The following DSCAM variants were observed in gnomAD, a reference collection of about 807,000 sequenced individuals.
DSCAM encodes cell adhesion molecule DSCAM.
A neutral mutation model predicts 217.7 loss-of-function variants in DSCAM; 47 were observed. The ratio of observed to expected loss-of-function variants is 0.22; its 90% confidence interval spans 0.17 to 0.28. The LOEUF (loss-of-function observed/expected upper bound fraction) is 0.28. Ranked by LOEUF, DSCAM falls within the 10% of genes least tolerant of loss-of-function variation. DSCAM has a pLI of 1.00. For missense variants in DSCAM, 2,080 were observed against 2,618.3 expected (o/e 0.79, Z 4.49); for synonymous variants, 1,056 against 1,015.3 (o/e 1.04, Z -0.76).
At chr21:40,263,931 G>A (rs921681657) in intron 11 of DSCAM, among the ~76,000 whole-genome samples, 1 of 151,886 alleles carries the variant, frequency 6.6e-6, no homozygotes, top group East Asian at 1.9e-4. Flanking sequence ...CACCACTCTG[G>A]ACACAAACTA....
intron 1 of DSCAM, among the ~76,000 whole-genome samples, chr21:40,741,174 G>C (rs1692884674): frequency 6.6e-6 from 1 of 152,184 alleles, no homozygotes; most frequent in Admixed American, 6.5e-5. Flanking sequence ...ATGAGACTCT[G>C]ACATGCTGAA....
intron 3 of DSCAM, among the ~76,000 whole-genome samples, chr21:40,399,726 C>T (rs1482737448): frequency 6.6e-6 from 1 of 152,164 alleles, no homozygotes; most frequent in Non-Finnish European, 1.5e-5. Context: ...TTCATTCATT[C>T]ATTTTTATTT....
At chr21:40,618,795 C>G (rs1037778064) in intron 3 of DSCAM, 1 of 152,150 alleles carries the variant, frequency 6.6e-6, no homozygotes, top group East Asian at 1.9e-4. Flanking sequence ...TGCATCGCCG[C>G]CCCCCAGTCC....
At chr21:40,350,182 C>T (rs190845377) in intron 5 of DSCAM, among the ~76,000 whole-genome samples, 263 of 152,136 alleles carry the variant, frequency 1.7e-3, no homozygotes, top group Non-Finnish European at 3.0e-3. Flanking sequence ...ACCATAGAAA[C>T]GCTAGAAGAA....
Position 40,521,974 on chromosome 21 carries a change from T to A in DSCAM, c.509-152729A>T, listed in dbSNP as rs1047419004. On this transcript the variant is annotated intron_variant, in intron 3 of 32. Coordinates refer to ENST00000400454, the MANE Select transcript of DSCAM (RefSeq NM_001389.5). ...CATTACGTTGTGCCCCATAAATAGG[T>A]ACAATAATTGTGTGTCAATTAAACT... 1.1e-4 allele frequency among the ~76,000 whole-genome samples: 17 copies of A among 152,322 alleles called. 1 individual carries two copies. Among genetic ancestry groups the A allele is most frequent in the Admixed American group, 3.3e-4 (5 of 15,302 alleles).
At chr21:40,798,467 C>G (rs540122976) in intron 1 of DSCAM, among the ~76,000 whole-genome samples, 1 of 152,002 alleles carries the variant, frequency 6.6e-6, no homozygotes, top group African/African-American at 2.4e-5. Flanking sequence ...AATTAATAAG[C>G]CTAGCATTTA....
chr21:40,032,090 G>T (rs1049339566), intron 32 of DSCAM, among the ~76,000 whole-genome samples: 19 of 152,176 alleles, frequency 1.2e-4, no homozygotes, highest in Admixed American at 1.1e-3. Flanking sequence ...GATTCAAGAT[G>T]CACATTGTTG....
At chr21:40,820,829 A>G (rs1002749059) in intron 1 of DSCAM, among the ~76,000 whole-genome samples, 1 of 152,124 alleles carries the variant, frequency 6.6e-6, no homozygotes, top group Non-Finnish European at 1.5e-5. Flanking sequence ...CCAGGTTTCA[A>G]TGTTAACCTT....
intron 27 of DSCAM, among the ~76,000 whole-genome samples, chr21:40,073,020 T>G (rs77251147): frequency 1.1e-4 from 16 of 152,106 alleles, no homozygotes; most frequent in Non-Finnish European, 2.2e-4. Context: ...ACAGCAACAA[T>G]TAAATTACAA....
chr21:40,674,773 C>T (rs1320285836), intron 3 of DSCAM, among the ~76,000 whole-genome samples: 2 of 151,848 alleles, frequency 1.3e-5, no homozygotes, highest in African/African-American at 2.4e-5. Context: ...GTTGGGACTA[C>T]AGGCGCCTGC....
intron 1 of DSCAM, among the ~76,000 whole-genome samples, chr21:40,734,636 G>A (rs1036975340): frequency 6.6e-6 from 1 of 152,192 alleles, no homozygotes; most frequent in African/African-American, 2.4e-5. Flanking sequence ...TACAGATAAT[G>A]TTTACCAAGC....
At position 40,042,400 on chromosome 21, in the gene DSCAM, T is replaced by C; in HGVS notation, c.5657A>G (p.Asn1886Ser). The change falls in exon 32 of 33, where the codon AAT becomes AGT. Residue 1886 changes from asparagine to serine, a missense_variant. Physicochemically the swap from Asn to Ser is conservative, Grantham distance 46 (BLOSUM62 1). Around this residue, in one of 5 missense-constraint regions of DSCAM, gnomAD observed 1,144 missense variants for 1,421.1 expected, o/e 0.81. Coordinates refer to ENST00000400454, the MANE Select transcript of DSCAM (RefSeq NM_001389.5). ...PKPQDGGRVM[N>S]MAVPKAHRPG... is the part of the protein sequence containing the mutation. ...CCGATGTGCCTTTGGAACTGCCATA[T>C]TCATTACTCTTCCTCCATCCTGAGG... 1.9e-6 allele frequency: 3 copies of C among 1,614,186 alleles called. No individual in the cohort carries two copies. The highest frequency in any genetic ancestry group is 1.7e-6 in the Non-Finnish European group (2 of 1,180,034).
chr21:40,051,363 TAAC>T (rs911982413), intron 30 of DSCAM, among the ~76,000 whole-genome samples: 11 of 152,208 alleles, frequency 7.2e-5, no homozygotes, highest in African/African-American at 1.9e-4. Flanking sequence ...CAAATATTAA[TAAC>T]AAAATCCAAC....
chr21:40,379,776 G>C (rs1202296674), intron 3 of DSCAM, among the ~76,000 whole-genome samples: 1 of 152,138 alleles, frequency 6.6e-6, no homozygotes, highest in African/African-American at 2.4e-5. Context: ...TACATACTTC[G>C]AGTTTTTTTC....
In DSCAM at chr21:40,144,456, G is replaced by A. The variant is rs753944513; in HGVS notation, c.3259+35C>T. 1.2e-6 allele frequency: 2 copies of A among 1,610,246 alleles called. No individual in the cohort carries two copies. The highest frequency in any genetic ancestry group is 1.7e-6 in the Non-Finnish European group (2 of 1,177,252). Reference sequence around the variant, plus strand: ...GCAGACCCGAGGGAACCTTTGCGGAGGGAAAAGCCACGACCAGGCCCCGGC... The same window carrying A: ...GCAGACCCGAGGGAACCTTTGCGGAAGGAAAAGCCACGACCAGGCCCCGGC... On this transcript the variant is annotated intron_variant, in intron 17 of 32. Coordinates refer to ENST00000400454, the MANE Select transcript of DSCAM (RefSeq NM_001389.5). This position sits in a 1 kb window ranked among gnomAD's most constrained non-coding sequence, Gnocchi z 4.8.
chr21:40,344,501 G>A lies in DSCAM; in HGVS notation c.1210+3169C>T, dbSNP rs560147143. Among the ~76,000 whole-genome samples, 3 of 152,090 alleles carry A rather than the reference G, an allele frequency of 2.0e-5. 1 individual carries two copies. The highest frequency in any genetic ancestry group is 7.2e-5 in the African/African-American group (3 of 41,506). ...TCTTTATTTTTCCTTAATTTTTAAA[G>A]CCTGTTGTTGTTGGGTTTTTTGCTA... is the stretch of plus-strand genomic sequence containing the variant. On this transcript the variant is annotated intron_variant, in intron 6 of 32. Coordinates refer to ENST00000400454, the MANE Select transcript of DSCAM (RefSeq NM_001389.5).
At chr21:40,017,711 CT>C (rs1205096466) in intron 32 of DSCAM, among the ~76,000 whole-genome samples, 1 of 152,124 alleles carries the variant, frequency 6.6e-6, no homozygotes, top group Non-Finnish European at 1.5e-5. Context: ...ACCACCACGC[CT>C]GGCTAATTTT....
chr21:40,329,926 A>G (rs2074358341), intron 8 of DSCAM, among the ~76,000 whole-genome samples: 1 of 151,940 alleles, frequency 6.6e-6, no homozygotes, highest in Non-Finnish European at 1.5e-5. Context: ...ACAAAATTTC[A>G]GGAGGAAAAG....
intron 32 of DSCAM, among the ~76,000 whole-genome samples, chr21:40,036,930 C>T (rs913738719): frequency 6.6e-6 from 1 of 150,662 alleles, no homozygotes; most frequent in Non-Finnish European, 1.5e-5. Context: ...TGATTATCTG[C>T]ATAGATGCAG....
Sources: allele counts gnomAD v4.1 joint callset (sites outside exome capture counted in the v4.1 genomes callset), GRCh38; gene constraint gnomAD v4.1.1; regional missense constraint gnomAD v4.1.1; non-coding constraint Gnocchi (gnomAD v3.1); transcripts MANE v1.5; gene names NCBI Gene and HGNC (gene_info 2026-07-23, HGNC 2026-07-21).